The following GALNT10 variants were observed in gnomAD, a reference collection of about 807,000 sequenced individuals.
GALNT10 encodes polypeptide N-acetylgalactosaminyltransferase 10.
In GALNT10, 41 loss-of-function variants were observed where a neutral mutation model predicts 75.0. The ratio of observed to expected loss-of-function variants is 0.55; its 90% CI spans 0.43 to 0.71. The LOEUF (loss-of-function observed/expected upper bound fraction) is 0.71, where lower values mean the gene tolerates loss of function less well. Ranked by LOEUF, GALNT10 falls within the 30% of genes least tolerant of loss-of-function variation. GALNT10 has a pLI of 0.00. For synonymous variants in GALNT10, 302 were observed against 313.0 expected, an observed-to-expected ratio of 0.96 and a Z score of 0.37; for missense variants, 727 against 818.5, an observed-to-expected ratio of 0.89 and a Z score of 1.36.
intron 1 of GALNT10, among the ~76,000 whole-genome samples, chr5:154,292,926 T>G (rs28421455): frequency 0.016 from 2,427 of 152,308 alleles, 52 homozygotes; most frequent in African/African-American, 0.056. Context: ...CTTCTGTGAT[T>G]TCTAAGAATG....
In GALNT10 at chr5:154,415,892, G is replaced by A; in HGVS notation, c.1613G>A (p.Cys538Tyr). 6.2e-7 allele frequency: 1 copy of A among 1,614,106 alleles called. No homozygotes were observed. Residue 538 changes from cysteine to tyrosine, a missense_variant, in exon 11 of 12, where the codon TGC becomes TAC. Transcript: ENST00000297107. ...ACCAGCCCTGTCACGCTGTACGACT[G>A]CCACAGCATGAAGGGCAACCAGCTG... is the stretch of plus-strand genomic sequence containing the variant. ...SHTSPVTLYDCHSMKGNQLWK... is the reference protein window; with the variant it reads ...SHTSPVTLYDYHSMKGNQLWK...
chr5:154,328,348 AGAGCCCAGGGAGAGAGAG>A (rs1754788826), intron 3 of GALNT10, among the ~76,000 whole-genome samples: 1 of 152,198 alleles, frequency 6.6e-6, no homozygotes, highest in Non-Finnish European at 1.5e-5. Context: ...GGTGGAGACT[AGAGCCCAGGGAGAGAGAG>A]GAGGGGCTGA....
At chr5:154,359,385 C>G (rs967454131) in intron 4 of GALNT10, among the ~76,000 whole-genome samples, 1 of 151,976 alleles carries the variant, frequency 6.6e-6, no homozygotes, top group Non-Finnish European at 1.5e-5. Context: ...ATGCTCAGCC[C>G]GATTTTGATG....
intron 1 of GALNT10, among the ~76,000 whole-genome samples, chr5:154,272,706 T>G (rs1581949753): frequency 1.3e-5 from 2 of 152,294 alleles, no homozygotes; most frequent in East Asian, 3.9e-4. Flanking sequence ...ATAATAATAG[T>G]GCCACCCTCT....
intron 1 of GALNT10, chr5:154,218,136 G>A: frequency 2.0e-6 from 2 of 985,296 alleles, no homozygotes; most frequent in Non-Finnish European, 2.4e-6. Flanking sequence ...CCTTCGTGGA[G>A]TGGGCATTTT....
intron 4 of GALNT10, chr5:154,338,325 C>A: frequency 1.9e-6 from 1 of 521,010 alleles, no homozygotes; most frequent in South Asian, 1.9e-5. Context: ...CCCCATTGCT[C>A]AAAATGCTCA....
At chr5:154,195,135 G>C (rs1774916289) in intron 1 of GALNT10, among the ~76,000 whole-genome samples, 1 of 152,230 alleles carries the variant, frequency 6.6e-6, no homozygotes, top group South Asian at 2.1e-4. Flanking sequence ...TAACCATCTA[G>C]CTTGCTAATT....
intron 6 of GALNT10, among the ~76,000 whole-genome samples, chr5:154,381,155 C>A (rs1477263477): frequency 6.6e-6 from 1 of 152,182 alleles, no homozygotes; most frequent in East Asian, 1.9e-4. Context: ...TACTGCTATA[C>A]CCACTTGGAA....
chr5:154,296,305 A>G (rs1393360574), intron 2 of GALNT10, among the ~76,000 whole-genome samples: 2 of 152,160 alleles, frequency 1.3e-5, no homozygotes, highest in African/African-American at 4.8e-5. Flanking sequence ...TATGTTGGCC[A>G]GGCTGGTCTC....
chr5:154,380,503 C>T lies in GALNT10; in HGVS notation c.810C>T (p.Asp270=), dbSNP rs771118974. Residue 270 remains aspartate, a synonymous_variant, in exon 6 of 12, where the codon GAC becomes GAT. Coordinates refer to ENST00000297107, the MANE Select transcript of GALNT10 (RefSeq NM_198321.4). ...TGTGCCCGATGATTGATGTAATTGA[C>T]CATGACGACTTTCGGTACGAGACAC... The part of the protein sequence containing the change: ...TIVCPMIDVI[D]HDDFRYETQA... 10 of 1,614,050 alleles carry T rather than the reference C, an allele frequency of 6.2e-6. No individual in the cohort carries two copies. Among genetic ancestry groups the T allele is most frequent in the Non-Finnish European group, 8.5e-6 (10 of 1,179,948 alleles).
At chr5:154,234,378 G>T (rs1001420199) in intron 1 of GALNT10, among the ~76,000 whole-genome samples, 3 of 152,066 alleles carry the variant, frequency 2.0e-5, no homozygotes, top group African/African-American at 7.2e-5. Flanking sequence ...TGAAGAACAG[G>T]CTCATAGGCT....
intron 1 of GALNT10, among the ~76,000 whole-genome samples, chr5:154,233,335 G>A (rs1299702858): frequency 6.6e-6 from 1 of 152,180 alleles, no homozygotes; most frequent in African/African-American, 2.4e-5. Flanking sequence ...TTTGAGTGCG[G>A]CAGAAATGGT....
chr5:154,270,486 G>A (rs1378243414), intron 1 of GALNT10, among the ~76,000 whole-genome samples: 1 of 151,954 alleles, frequency 6.6e-6, no homozygotes, highest in African/African-American at 2.4e-5. Flanking sequence ...CTGCATCCCT[G>A]GTTGAACAAC....
chr5:154,275,963 A>G (rs1753945343), intron 1 of GALNT10, among the ~76,000 whole-genome samples: 1 of 152,266 alleles, frequency 6.6e-6, no homozygotes, highest in Non-Finnish European at 1.5e-5. Flanking sequence ...CACAAGGGAC[A>G]GAAGATTTCA....
intron 1 of GALNT10, among the ~76,000 whole-genome samples, chr5:154,202,240 C>T (rs1277281136): frequency 6.6e-6 from 1 of 152,150 alleles, no homozygotes; most frequent in African/African-American, 2.4e-5. Flanking sequence ...GGTTCATTGC[C>T]GGGGCAGGAG....
intron 3 of GALNT10, among the ~76,000 whole-genome samples, chr5:154,320,721 A>G (rs2113106631): frequency 6.6e-6 from 1 of 152,328 alleles, no homozygotes; most frequent in Middle Eastern, 3.4e-3. Context: ...GAGAAGGGGA[A>G]AGGGCAGAGG....
intron 1 of GALNT10, among the ~76,000 whole-genome samples, chr5:154,234,924 A>G (rs189242415): frequency 1.5e-3 from 226 of 152,356 alleles, no homozygotes; most frequent in African/African-American, 5.2e-3. Flanking sequence ...AGAGTGGACT[A>G]GACACCCTTT....
intron 3 of GALNT10, among the ~76,000 whole-genome samples, chr5:154,315,690 T>G (rs532984355): frequency 6.6e-6 from 1 of 152,356 alleles, no homozygotes; most frequent in South Asian, 2.1e-4. Flanking sequence ...TAAACAACTG[T>G]GGCCAGGTAA....
intron 7 of GALNT10, among the ~76,000 whole-genome samples, chr5:154,397,129 A>T (rs1400719762): frequency 4.9e-3 from 255 of 52,050 alleles, no homozygotes; most frequent in African/African-American, 5.5e-3. Context: ...TCCGTCTCAA[A>T]AAAAAAAAAA....
Sources: gnomAD v4.1 joint callset for allele counts (sites outside exome capture counted in the v4.1 genomes callset) on GRCh38, gnomAD v4.1.1 for gene constraint, MANE v1.5 for transcripts, NCBI Gene and HGNC (gene_info 2026-07-23, HGNC 2026-07-21) for gene names.